POMT1: variants seen among roughly 807,000 people sequenced by gnomAD.
POMT1 encodes the protein protein O-mannosyltransferase 1, also known as protein O-mannosyl-transferase 1.
A neutral mutation model predicts 101.6 loss-of-function variants in POMT1; 85 were observed. That is an observed-to-expected ratio of 0.84 (90% CI 0.70 to 1.00). POMT1 has a LOEUF of 1.00. POMT1 is among the 50% of genes least tolerant of loss of function. The probability of loss-of-function intolerance (pLI) is 0.00; values close to 1 mark genes in which losing one functional copy is unlikely to be tolerated. For synonymous variants in POMT1, 371 were observed against 383.0 expected (o/e 0.97, Z 0.37); for missense variants, 857 against 930.4 (o/e 0.92, Z 1.03).
At chr9:131,513,209 G>T (rs752836585) in intron 11 of POMT1, 30 bp from the exon 12 acceptor site, 1 of 1,595,376 alleles carries the variant, frequency 6.3e-7, no homozygotes, top group Non-Finnish European at 8.6e-7. Flanking sequence ...ACCAGGCTCT[G>T]TGTGGTCCCG....
chr9:131,522,436 T>G lies in POMT1; in HGVS notation c.2003+212T>G. On this transcript the variant is annotated intron_variant, in intron 19 of 19. Transcript: ENST00000402686. This position sits in a 1 kb window ranked among gnomAD's most constrained non-coding sequence, Gnocchi z 5.5. ...AGGGAGAAGTCGCGGCTGACAGAGA[T>G]GAAAGCGGAGTGGGTGGGGAGACGG... is the stretch of plus-strand genomic sequence containing the variant. The G allele has an allele frequency of 9.7e-7, 1 of 1,030,168 alleles. No individual in the cohort carries two copies. Among genetic ancestry groups the G allele is most frequent in the Non-Finnish European group, 1.4e-6 (1 of 725,924 alleles). The allele number at this position is 1,030,168 out of a possible 1,614,324, so 63.8% of individuals were successfully genotyped here.
intron 13 of POMT1, among the ~76,000 whole-genome samples, 195 bp downstream of exon 13, chr9:131,515,717 ACGGAGCACTTCCTG>A (rs952444822): frequency 6.8e-6 from 1 of 146,958 alleles, no homozygotes; most frequent in African/African-American, 2.5e-5. Context: ...ACTTCCTCAC[ACGGAGCACTTCCTG>A]TAACAGGACA....
intron 13 of POMT1, 142 bp downstream of exon 13, chr9:131,515,664 A>G: frequency 2.5e-6 from 2 of 788,138 alleles, no homozygotes; most frequent in Non-Finnish European, 4.4e-6. Context: ...TTCCTCTAAC[A>G]CGGAGCACTT....
Position 131,508,976 on chromosome 9 carries a change from T to C in POMT1, c.493T>C (p.Leu165=). Residue 165 remains leucine, a synonymous_variant, in exon 6 of 20, where the codon TTG becomes CTG. Coordinates refer to ENST00000402686, the MANE Select transcript of POMT1 (RefSeq NM_001077365.2). ...ATCAGTGTTAATATTTTTCAATCTATTGGCCGTGTTGTCCTACCTGAAGTT... is the reference window on the plus strand; with the variant it reads ...ATCAGTGTTAATATTTTTCAATCTACTGGCCGTGTTGTCCTACCTGAAGTT... ...LESVLIFFNL[L]AVLSYLKFFN... The C allele has an allele frequency of 6.2e-7, 1 of 1,614,076 alleles. No homozygotes were observed. Among genetic ancestry groups the C allele is most frequent in the Non-Finnish European group, 8.5e-7 (1 of 1,179,888 alleles).
rs1456640338 is a variant in POMT1, at chr9:131,519,441, C to T, written c.1539C>T (p.Asp513=). 1.3e-5 allele frequency: 20 copies of T among 1,551,620 alleles called. No homozygotes were observed. The highest frequency in any genetic ancestry group is 1.7e-4 in the Middle Eastern group (1 of 5,994). ...ERELHSPAQV[D]VSRNLSFMAR... ...AGCTGCACTCACCTGCGCAGGTGGA[C>T]GTCAGCAGGAACCTCAGCTTCATGG... The change falls in exon 16 of 20, where the codon GAC becomes GAT. Residue 513 remains aspartate, a synonymous_variant. Transcript: ENST00000402686. This position sits in a 1 kb window ranked among gnomAD's most constrained non-coding sequence, Gnocchi z 4.3.
intron 5 of POMT1, among the ~76,000 whole-genome samples, chr9:131,508,014 C>CCT (rs1210918217): frequency 1.3e-5 from 2 of 152,014 alleles, no homozygotes; most frequent in Non-Finnish European, 2.9e-5. Context: ...GGGCAGATCA[C>CCT]GAGGTCAGGA....
intron 11 of POMT1, 39 bp downstream of exon 11, chr9:131,512,175 T>C (rs763592774): frequency 6.2e-7 from 1 of 1,607,858 alleles, no homozygotes; most frequent in Non-Finnish European, 8.5e-7. Flanking sequence ...AGAGCTCACC[T>C]CCTGGCCTGG....
At chr9:131,520,839 G>GTGTA (rs1949777036) in intron 17 of POMT1, among the ~76,000 whole-genome samples, 1 of 152,200 alleles carries the variant, frequency 6.6e-6, no homozygotes, top group Non-Finnish European at 1.5e-5. Context: ...GTGTGTGTGT[G>GTGTA]TGTATGTGAG....
rs752469197 is a variant in POMT1, at chr9:131,521,572, C to T, written c.1825+100C>T. 4.2e-5 allele frequency: 59 copies of T among 1,404,688 alleles called. No individual in the cohort carries two copies. In the Middle Eastern group the frequency reaches 1.8e-3, roughly 44 times the overall value. 87.0% of individuals were successfully genotyped at this position (1,404,688 alleles called of 1,614,324 possible). On this transcript the variant is annotated intron_variant, in intron 18 of 19. Coordinates refer to ENST00000402686, the MANE Select transcript of POMT1 (RefSeq NM_001077365.2). ...CTTGAACTCCTGGGCTTAAGCGATC[C>T]TCCTGCCTCGGCCTCCCATAGTGCT...
rs370044438 is a variant in POMT1, at chr9:131,512,147, G to C, written c.1082+11G>C. 10 of 1,613,374 alleles carry C rather than the reference G, an allele frequency of 6.2e-6. No individual in the cohort carries two copies. Among genetic ancestry groups the C allele is most frequent in the Non-Finnish European group, 8.5e-6 (10 of 1,179,784 alleles). ...AAAGGATCCCAGGAGGTGAGTGCAG[G>C]TCCTGTGACTCCAGAGCAGAGCTCA... is the stretch of plus-strand genomic sequence containing the variant. On this transcript the variant is annotated intron_variant, in intron 11 of 19. Coordinates refer to ENST00000402686, the MANE Select transcript of POMT1 (RefSeq NM_001077365.2).
chr9:131,509,966 G>T lies in POMT1; in HGVS notation c.669G>T (p.Trp223Cys). ...TGGGTGTTGCAGCTGTCCATGCCTG[G>T]CACCTGCTTGGAGACCAGACTTTGT... ...LVLGVAAVHA[W>C]HLLGDQTLSN... Residue 223 changes from tryptophan (W) to cysteine (C), a missense_variant, in exon 8 of 20, where the codon TGG (tryptophan) becomes TGT (cysteine). Trp to Cys is a radical substitution (Grantham distance 215). Coordinates refer to ENST00000402686, the MANE Select transcript of POMT1 (RefSeq NM_001077365.2). 6.2e-7 allele frequency: 1 copy of T among 1,614,222 alleles called. No homozygotes were observed. Among genetic ancestry groups the T allele is most frequent in the East Asian group, 2.2e-5 (1 of 44,876 alleles).
Position 131,523,138 on chromosome 9 carries a change from G to C in POMT1, c.*32G>C, listed in dbSNP as rs375084639. 173 of 1,603,914 alleles carry C rather than the reference G, an allele frequency of 1.1e-4. No homozygotes were observed. In the Middle Eastern group the frequency reaches 2.7e-3, roughly 25 times the overall value. ...AGTGTGGCAAAGAACACCCGTGCTG[G>C]GGTCGGGATGAGGTTGAAGGGTCTT... On this transcript the variant is annotated 3_prime_UTR_variant, in exon 20 of 20. Transcript: ENST00000402686.
At chr9:131,513,424 GCC>G in intron 12 of POMT1, 93 bp downstream of exon 12, 1 of 1,152,324 alleles carries the variant, frequency 8.7e-7, no homozygotes, top group Non-Finnish European at 1.3e-6. Context: ...TTGGGCCGCT[GCC>G]CCCTGTCTAC....
chr9:131,521,177 A>G, intron 17 of POMT1, 169 bp from the exon 18 acceptor site: 1 of 878,278 alleles, frequency 1.1e-6, no homozygotes, highest in Non-Finnish European at 1.8e-6. Context: ...TCTGAGTAGG[A>G]GCAGACCTGT....
Position 131,519,015 on chromosome 9 carries a change from T to C in POMT1, c.1486+58T>C. 18 of 1,609,122 alleles carry C rather than the reference T, an allele frequency of 1.1e-5. No individual in the cohort carries two copies. The highest frequency in any genetic ancestry group is 1.5e-5 in the Non-Finnish European group (18 of 1,179,660). ...GAATGTACTTTCAGCTGCTCAATAT[T>C]TGATAACACCCCAGAGTTCTCATTT... On this transcript the variant is annotated intron_variant, in intron 15 of 19. Coordinates refer to ENST00000402686, the MANE Select transcript of POMT1 (RefSeq NM_001077365.2). The surrounding 1 kb of genome is among the most constrained non-coding windows in gnomAD (Gnocchi z 4.3).
rs1950399689 is a variant in POMT1 at position 131,523,729 on chromosome 9, C to G, written c.*623C>G. On this transcript the variant is annotated 3_prime_UTR_variant, in exon 20 of 20. Coordinates refer to ENST00000402686, the MANE Select transcript of POMT1 (RefSeq NM_001077365.2). The stretch of plus-strand genomic sequence containing the variant: ...GAGTGAAATCTTCCTCGTCAGTGGT[C>G]AAGGTGTGTCATCCATACAGCTCCA... The G allele has an allele frequency of 6.2e-6, 1 of 160,716 alleles. No homozygotes were observed. Among genetic ancestry groups the G allele is most frequent in the Non-Finnish European group, 1.4e-5 (1 of 72,232 alleles). The allele number at this position is 160,716 out of a possible 1,614,324, so 10.0% of individuals were successfully genotyped here.
Position 131,515,550 on chromosome 9 carries a change from A to G in POMT1, c.1272+28A>G, listed in dbSNP as rs372252619. 5.6e-6 allele frequency: 9 copies of G among 1,593,350 alleles called. No homozygotes were observed. In the African/African-American group the frequency reaches 1.1e-4, roughly 19 times the overall value. On this transcript the variant is annotated intron_variant, in intron 13 of 19. Transcript: ENST00000402686. ...GAGTAAGGCTGCGGCTATAGCAGCC[A>G]CAACCGTCAGTAATGAACACTCCCT...
At chr9:131,504,102 C>T in intron 1 of POMT1, 87 bp from the exon 2 acceptor site, 2 of 1,503,936 alleles carry the variant, frequency 1.3e-6, no homozygotes, top group Non-Finnish European at 1.8e-6. Context: ...TGGTTCTCCT[C>T]GTGTGTCCGG....
At position 131,504,305 on chromosome 9, in the gene POMT1, C is replaced by T. The variant is rs777011685; in HGVS notation, c.87C>T (p.Ser29=). 1.2e-6 allele frequency: 2 copies of T among 1,614,078 alleles called. No individual in the cohort carries two copies. Among genetic ancestry groups the T allele is most frequent in the African/African-American group, 1.3e-5 (1 of 74,938 alleles). The change falls in exon 2 of 20, where the codon AGC becomes AGT. Residue 29 remains serine (S), a synonymous_variant. Coordinates refer to ENST00000402686, the MANE Select transcript of POMT1 (RefSeq NM_001077365.2). ...LVALTGMGLL[S]RLWRLTYPRA... is the part of the protein sequence containing the mutation. ...CCCTGACTGGGATGGGGTTACTGAG[C>T]CGGCTGTGGCGACTCACCTACCCGC...
Sources: allele counts gnomAD v4.1 joint callset (sites outside exome capture counted in the v4.1 genomes callset), GRCh38; gene constraint gnomAD v4.1.1; non-coding constraint Gnocchi (gnomAD v3.1); transcripts MANE v1.5; gene names NCBI Gene and HGNC (gene_info 2026-07-23, HGNC 2026-07-21).